The following SELENON variants were observed in gnomAD, a reference collection of about 807,000 sequenced individuals.
SELENON encodes selenoprotein N, also known as selenoprotein N, 1.
In SELENON, 44 loss-of-function variants were observed where a neutral mutation model predicts 59.5. The ratio of observed to expected loss-of-function variants is 0.74; its 90% CI spans 0.58 to 0.95. SELENON has a LOEUF of 0.95. SELENON is among the 40% of genes least tolerant of loss of function. SELENON has a pLI of 0.00. For missense variants in SELENON, 674 were observed against 721.4 expected (o/e 0.93, Z 0.75); for synonymous variants, 320 against 305.6 (o/e 1.05, Z -0.49).
chr1:25,812,899 T>C, intron 10 of SELENON, 107 bp downstream of exon 9: 1 of 870,376 alleles, frequency 1.1e-6, no homozygotes, highest in Non-Finnish European at 1.8e-6. Flanking sequence ...TGTGAGGGCC[T>C]CAGGGACTGC....
rs771240009 is a variant in SELENON, at chr1:25,809,792, G to A, written c.982G>A (p.Asp328Asn). The change falls in exon 7 of 13, where the codon GAC becomes AAC. Residue 328 changes from aspartate (D) to asparagine (N), a missense_variant. Asp to Asn is a conservative substitution (Grantham distance 23). Transcript: ENST00000361547. ...CTCCAAAGACGCCACCCACGTCCGC[G>A]ACTTCCGGCTCTTCGTGCCCAACCA... The A allele has an allele frequency of 9.3e-6, 15 of 1,613,810 alleles. No homozygotes were observed. Among genetic ancestry groups the A allele is most frequent in the South Asian group, 4.4e-5 (4 of 91,090 alleles).
At chr1:25,812,842 T>C (rs376144406) in intron 10 of SELENON, 50 bp downstream of exon 9, 70 of 1,403,630 alleles carry the variant, frequency 5.0e-5, no homozygotes, top group Admixed American at 2.4e-4. Flanking sequence ...GTCCACACCT[T>C]GTGGGGTACC....
chr1:25,802,679 T>G (rs1250835731), intron 3 of SELENON, among the ~76,000 whole-genome samples: 2 of 152,202 alleles, frequency 1.3e-5, no homozygotes, highest in Non-Finnish European at 2.9e-5. Flanking sequence ...TTGCTATCAT[T>G]TTTGCCTAGT....
intron 2 of SELENON, among the ~76,000 whole-genome samples, chr1:25,801,594 AG>A (rs1431309625): frequency 6.6e-6 from 1 of 152,212 alleles, no homozygotes; most frequent in African/African-American, 2.4e-5. Context: ...CATGAGGCAG[AG>A]GTTGCAGTGA....
Position 25,805,012 on chromosome 1 carries a change from G to A in SELENON, c.404-130G>A, listed in dbSNP as rs1321537201. On this transcript the variant is annotated intron_variant, in intron 3 of 12. Transcript: ENST00000361547. Reference sequence around the variant, plus strand: ...ATGCGATACACTGGTTGTTACTTTGGTGACTGTTAACACCCCAGCTACCCC... The same window carrying A: ...ATGCGATACACTGGTTGTTACTTTGATGACTGTTAACACCCCAGCTACCCC... 6.1e-6 allele frequency: 7 copies of A among 1,156,892 alleles called. No homozygotes were observed. In the East Asian group the frequency reaches 1.4e-4, roughly 23 times the overall value. The allele number at this position is 1,156,892 out of a possible 1,614,324, so 71.7% of individuals were successfully genotyped here. A position where few individuals can be genotyped will look rare whatever the true frequency, so the allele number is the denominator to read the frequency against.
At chr1:25,801,682 C>A (rs2047861860) in intron 2 of SELENON, among the ~76,000 whole-genome samples, 1 of 105,680 alleles carries the variant, frequency 9.5e-6, no homozygotes, top group Non-Finnish European at 2.1e-5. Context: ...CAAAGCAAAA[C>A]CAAAAAAACA....
In SELENON at chr1:25,815,933, TCTGA is replaced by T. The variant is rs565715051; in HGVS notation, c.*219_*222del. On this transcript the variant is annotated 3_prime_UTR_variant, in exon 13 of 13. Transcript: ENST00000361547. ...CTGACTGGGCAGAGGAACCTCTAGCTCTGACTGTCACTCGGCTCTCCCTACCCAT... is the reference window on the plus strand; with the variant it reads ...CTGACTGGGCAGAGGAACCTCTAGCTCTGTCACTCGGCTCTCCCTACCCAT... 4.0e-4 allele frequency: 228 copies of T among 576,256 alleles called. 1 individual carries two copies. Among genetic ancestry groups the T allele is most frequent in the East Asian group, 3.1e-3 (105 of 34,258 alleles). The allele number at this position is 576,256 out of a possible 1,614,324, so 35.7% of individuals were successfully genotyped here.
chr1:25,808,571 C>T lies in SELENON; in HGVS notation c.538-9C>T, dbSNP rs1157392932. ...CAGATTCCTGGAGCTTTGCTTTCCCCCGCCCCAGGTCTCCCGCCTCGCCCT... is the reference window on the plus strand; with the variant it reads ...CAGATTCCTGGAGCTTTGCTTTCCCTCGCCCCAGGTCTCCCGCCTCGCCCT... On this transcript the variant is annotated splice_polypyrimidine_tract_variant and intron_variant, in intron 4 of 12. Transcript: ENST00000361547. The T allele has an allele frequency of 6.2e-7, 1 of 1,613,122 alleles. No homozygotes were observed.
rs1193741590 is a variant in SELENON, at chr1:25,808,633, AAGTGC to A, written c.596_600del (p.Ala199ValfsTer?). ...GAAACTGGACAGCCGCCGCCTCACC[AAGTGC>A]AGTGTTTGCCACCCGCCACTTCCAG... On this transcript the variant is annotated frameshift_variant, in exon 5 of 13. Coordinates refer to ENST00000361547, the MANE Select transcript of SELENON (RefSeq NM_020451.3). LOFTEE classifies it high-confidence loss of function. The A allele has an allele frequency of 6.2e-7, 1 of 1,613,488 alleles. No homozygotes were observed. Among genetic ancestry groups the A allele is most frequent in the Non-Finnish European group, 8.5e-7 (1 of 1,179,896 alleles).
rs2047920312 is a variant in SELENON, at chr1:25,807,766, G to T, written c.538-814G>T. ...AAGCCTGAGCTCCTGCTGCCAGGGAGGTGGCGACAGAAGAGGGAATCTGCT... is the reference window on the plus strand; with the variant it reads ...AAGCCTGAGCTCCTGCTGCCAGGGATGTGGCGACAGAAGAGGGAATCTGCT... On this transcript the variant is annotated intron_variant, in intron 4 of 12. Coordinates refer to ENST00000361547, the MANE Select transcript of SELENON (RefSeq NM_020451.3). This position sits in a 1 kb window ranked among gnomAD's most constrained non-coding sequence, Gnocchi z 4.5. 6.6e-6 allele frequency among the ~76,000 whole-genome samples: 1 copy of T among 152,244 alleles called. No individual in the cohort carries two copies. The highest frequency in any genetic ancestry group is 2.4e-5 in the African/African-American group (1 of 41,460).
Position 25,813,895 on chromosome 1 carries a change from C to T in SELENON, c.1402C>T (p.Leu468Phe). The T allele has an allele frequency of 3.7e-6, 6 of 1,613,986 alleles. No individual in the cohort carries two copies. The highest frequency in any genetic ancestry group is 5.1e-6 in the Non-Finnish European group (6 of 1,179,898). ...TTCCTGAACAGGTTCAGGGCGGACTCTCCGGGAGACTGTCCTGGAAAGTTC... is the reference window on the plus strand; with the variant it reads ...TTCCTGAACAGGTTCAGGGCGGACTTTCCGGGAGACTGTCCTGGAAAGTTC... Residue 468 changes from leucine (L) to phenylalanine (F), a missense_variant, in exon 11 of 13, where the codon CTC becomes TTC. Transcript: ENST00000361547.
In SELENON at chr1:25,813,967, CT is replaced by C; in HGVS notation, c.1475del (p.Leu492ArgfsTer?). ...CGAGAGCTTCATCAGCACCTGGTCC[CT>C]GGTGAAGGAGCTGGAGGAACTGCAG... is the stretch of plus-strand genomic sequence containing the variant. On this transcript the variant is annotated frameshift_variant, in exon 11 of 13. Coordinates refer to ENST00000361547, the MANE Select transcript of SELENON (RefSeq NM_020451.3). LOFTEE classifies it high-confidence loss of function. 6.2e-7 allele frequency: 1 copy of C among 1,614,156 alleles called. No individual in the cohort carries two copies. Among genetic ancestry groups the C allele is most frequent in the Non-Finnish European group, 8.5e-7 (1 of 1,180,016 alleles).
At chr1:25,814,706 T>G (rs945493059) in intron 12 of SELENON, among the ~76,000 whole-genome samples, 1 of 152,218 alleles carries the variant, frequency 6.6e-6, no homozygotes, top group Non-Finnish European at 1.5e-5. Context: ...GGACAAATGT[T>G]GCAGTCAATT....
intron 9 of SELENON, among the ~76,000 whole-genome samples, chr1:25,812,288 A>C (rs918409842): frequency 1.3e-5 from 2 of 152,096 alleles, no homozygotes; most frequent in African/African-American, 4.8e-5. Flanking sequence ...TCAAGGCTGC[A>C]ATGAGCTATG....
At chr1:25,801,433 G>A (rs565639535) in intron 2 of SELENON, among the ~76,000 whole-genome samples, 3 of 152,202 alleles carry the variant, frequency 2.0e-5, no homozygotes, top group Non-Finnish European at 4.4e-5. Context: ...TTGGGAGATG[G>A]AAGGATCGCT....
At chr1:25,809,957 C>A in intron 7 of SELENON, 137 bp downstream of exon 6, 1 of 1,081,490 alleles carries the variant, frequency 9.2e-7, no homozygotes, top group Non-Finnish European at 1.4e-6. Flanking sequence ...GCTGACGTGG[C>A]AGGAGGCGGC....
At position 25,814,083 on chromosome 1, in the gene SELENON, CAGG is replaced by C. The variant is rs1247672340; in HGVS notation, c.1510_1512del (p.Glu504del). On this transcript the variant is annotated inframe_deletion, in exon 12 of 13. Transcript: ENST00000361547. Reference sequence around the variant, plus strand: ...TGTGCAACTGTCCCCACAGAACAACCAGGAGAACTCGTCCCACCAGAAGCTGGC... The same window carrying C: ...TGTGCAACTGTCCCCACAGAACAACCAGAACTCGTCCCACCAGAAGCTGGC... The C allele has an allele frequency of 1.9e-6, 3 of 1,614,078 alleles. No homozygotes were observed. The highest frequency in any genetic ancestry group is 1.7e-6 in the Non-Finnish European group (2 of 1,179,924).
chr1:25,806,845 G>A (rs1356261945), intron 4 of SELENON, among the ~76,000 whole-genome samples: 1 of 145,264 alleles, frequency 6.9e-6, no homozygotes, highest in Non-Finnish European at 1.5e-5. Flanking sequence ...TTTTTGGGAC[G>A]GAGTCTCGCT....
At position 25,809,896 on chromosome 1, in the gene SELENON, G is replaced by A. The variant is rs190134128; in HGVS notation, c.1010+76G>A. 3.7e-3 allele frequency: 5,773 copies of A among 1,565,170 alleles called. 162 individuals are homozygous for A. The African/African-American group carries it at 0.065, about 18-fold the overall frequency. ...GCTCCCCAGCTCCAGGAGCCTAGGG[G>A]CCTCTTCTGTCTCTGCCCCTTCCTT... On this transcript the variant is annotated intron_variant, in intron 7 of 12. Coordinates refer to ENST00000361547, the MANE Select transcript of SELENON (RefSeq NM_020451.3).
Sources: gnomAD v4.1 joint callset for allele counts (sites outside exome capture counted in the v4.1 genomes callset) on GRCh38, gnomAD v4.1.1 for gene constraint, Gnocchi (gnomAD v3.1) non-coding constraint, MANE v1.5 for transcripts, NCBI Gene and HGNC (gene_info 2026-07-23, HGNC 2026-07-21) for gene names.